Variants in ZNF133 observed in about 807,000 individuals in gnomAD.
ZNF133 encodes zinc finger protein 133 (clone pHZ-13).
In ZNF133, 26 loss-of-function variants were observed where a neutral mutation model predicts 54.9. The ratio of observed to expected loss-of-function variants is 0.47; its 90% CI spans 0.35 to 0.66. ZNF133 has a LOEUF of 0.66. Ranked by LOEUF, ZNF133 falls within the 30% of genes least tolerant of loss-of-function variation. The probability of loss-of-function intolerance (pLI) is 0.01; values close to 1 mark genes in which losing one functional copy is unlikely to be tolerated. For missense variants in ZNF133, 653 were observed against 820.8 expected, an observed-to-expected ratio of 0.80 and a Z score of 2.50; for synonymous variants, 298 against 320.3, an observed-to-expected ratio of 0.93 and a Z score of 0.74.
chr20:18,304,124 T>C (rs1457957737), intron 3 of ZNF133, among the ~76,000 whole-genome samples: 1 of 152,186 alleles, frequency 6.6e-6, no homozygotes, highest in Admixed American at 6.5e-5. Context: ...TGCAAAGATA[T>C]ACATGTGGCC....
intron 6 of ZNF133, among the ~76,000 whole-genome samples, chr20:18,311,352 G>C (rs2045898896): frequency 6.6e-6 from 1 of 152,098 alleles, no homozygotes; most frequent in South Asian, 2.1e-4. Flanking sequence ...TGAGAAATTG[G>C]ATATCTGGTG....
intron 5 of ZNF133, 147 bp from the exon 6 acceptor site, chr20:18,306,151 T>C: frequency 1.4e-6 from 1 of 696,766 alleles, no homozygotes; most frequent in Non-Finnish European, 2.4e-6. Context: ...TGCCCACTCA[T>C]CCCTTCCATT....
chr20:18,316,059 C>G lies in ZNF133; in HGVS notation c.1208C>G (p.Thr403Arg), dbSNP rs1351030645. The part of the protein sequence containing the change: ...QRTTLVNHQR[T>R]HSKEKPYVCG... Reference sequence around the variant, plus strand: ...ACCACCCTTGTCAACCACCAGAGGACACACTCAAAGGAGAAGCCCTATGTG... The same window carrying G: ...ACCACCCTTGTCAACCACCAGAGGAGACACTCAAAGGAGAAGCCCTATGTG... The change falls in exon 7 of 7, where the codon ACA becomes AGA. Residue 403 changes from threonine to arginine, a missense_variant. This residue lies in a region of ZNF133 where 292 missense variants were observed against 431.6 expected (regional missense o/e 0.68). Transcript: ENST00000425686. 6.2e-7 allele frequency: 1 copy of G among 1,613,620 alleles called. No individual in the cohort carries two copies. The highest frequency in any genetic ancestry group is 1.7e-5 in the Admixed American group (1 of 59,970).
At chr20:18,306,158 C>A in intron 5 of ZNF133, 140 bp from the exon 6 acceptor site, 1 of 736,172 alleles carries the variant, frequency 1.4e-6, no homozygotes, top group Non-Finnish European at 2.2e-6. Flanking sequence ...TCATCCCTTC[C>A]ATTTCTGAGA....
At chr20:18,313,588 C>T (rs1312266033) in intron 6 of ZNF133, 5 of 152,218 alleles carry the variant, frequency 3.3e-5, no homozygotes, top group Admixed American at 3.3e-4. Flanking sequence ...TGTTGCTTCC[C>T]TTCTCCTGTC....
At chr20:18,314,754 T>G (rs372247252) in intron 6 of ZNF133, 120 of 257,294 alleles carry the variant, frequency 4.7e-4, no homozygotes, top group South Asian at 1.3e-3. Flanking sequence ...GTGTGCATGG[T>G]TGTGAGTTAG....
intron 6 of ZNF133, chr20:18,310,398 C>A: frequency 1.5e-6 from 2 of 1,318,344 alleles, no homozygotes; most frequent in Non-Finnish European, 2.0e-6. Context: ...AGGCTAGTTA[C>A]AAGAAAAGTA....
chr20:18,315,998 G>T lies in ZNF133; in HGVS notation c.1147G>T (p.Ala383Ser). ...GACGCACTCTGGGGAGAAGCCCTAC[G>T]CCTGCAAGGAGTGTGGGCGATGCTT... ...QRTHSGEKPYACKECGRCFRQ... is the reference protein window; with the variant it reads ...QRTHSGEKPYSCKECGRCFRQ... The change falls in exon 7 of 7, where the codon GCC becomes TCC. Residue 383 changes from alanine to serine, a missense_variant. Transcript: ENST00000425686. 1.9e-6 allele frequency: 3 copies of T among 1,612,866 alleles called. No individual in the cohort carries two copies. The highest frequency in any genetic ancestry group is 1.1e-5 in the South Asian group (1 of 91,014).
intron 6 of ZNF133, chr20:18,306,669 T>C (rs1162522417): frequency 7.8e-7 from 1 of 1,284,404 alleles, no homozygotes; most frequent in Non-Finnish European, 1.0e-6. Flanking sequence ...CTTTCATATA[T>C]ATGGGCTTCT....
intron 6 of ZNF133, 23 bp downstream of exon 6, chr20:18,306,416 A>C (rs2044609985): frequency 1.9e-6 from 3 of 1,605,336 alleles, no homozygotes; most frequent in Admixed American, 1.7e-5. Flanking sequence ...ACACTGGACA[A>C]ATGAGACATG....
chr20:18,295,388 C>G (rs940677838), intron 1 of ZNF133: 1 of 152,480 alleles, frequency 6.6e-6, no homozygotes, highest in Non-Finnish European at 1.5e-5. Flanking sequence ...CCAGCCAGAT[C>G]AGCTGGATCA....
Position 18,305,879 on chromosome 20 carries a change from T to A in ZNF133, c.121+72T>A, listed in dbSNP as rs1421932305. 9.7e-6 allele frequency: 15 copies of A among 1,545,222 alleles called. No individual in the cohort carries two copies. The highest frequency in any genetic ancestry group is 1.2e-5 in the Non-Finnish European group (14 of 1,143,824). On this transcript the variant is annotated intron_variant, in intron 5 of 6. Coordinates refer to ENST00000425686, the MANE Select transcript of ZNF133 (RefSeq NM_001352452.2). The surrounding 1 kb of genome is among the most constrained non-coding windows in gnomAD (Gnocchi z 4.7). ...TTAGGCTATGCTTGAAGCAGCCATC[T>A]TGCTTTGTTACTTGACCTTTGGGTT...
chr20:18,307,999 A>G (rs2034146762), intron 6 of ZNF133, among the ~76,000 whole-genome samples: 1 of 144,276 alleles, frequency 6.9e-6, no homozygotes, highest in South Asian at 2.1e-4. Context: ...GTTGTTAAAC[A>G]AAGAGAAGTG....
At chr20:18,292,307 T>A (rs899918402) in intron 1 of ZNF133, among the ~76,000 whole-genome samples, 7 of 152,194 alleles carry the variant, frequency 4.6e-5, no homozygotes, top group Non-Finnish European at 1.0e-4. Flanking sequence ...CTAACCAAAG[T>A]CAAAACCAGT....
At chr20:18,313,735 T>G (rs2046668574) in intron 6 of ZNF133, 1 of 152,164 alleles carries the variant, frequency 6.6e-6, no homozygotes, top group Non-Finnish European at 1.5e-5. Flanking sequence ...TCAGACAACC[T>G]AGATTAAACC....
chr20:18,298,113 C>T (rs1421210749), intron 2 of ZNF133, 51 bp downstream of exon 2: 8 of 1,535,064 alleles, frequency 5.2e-6, no homozygotes, highest in Non-Finnish European at 6.1e-6. Flanking sequence ...GACACATTCC[C>T]TTCTCTTACC....
intron 3 of ZNF133, among the ~76,000 whole-genome samples, chr20:18,301,625 A>G (rs1010883751): frequency 6.6e-6 from 1 of 152,220 alleles, no homozygotes; most frequent in African/African-American, 2.4e-5. Flanking sequence ...GTACAAGAGA[A>G]CTATAAATTG....
chr20:18,312,575 G>C (rs984629871), intron 6 of ZNF133: 1 of 151,888 alleles, frequency 6.6e-6, no homozygotes, highest in African/African-American at 2.4e-5. Context: ...CTTTCTTATC[G>C]TGCAACCTAA....
intron 6 of ZNF133, among the ~76,000 whole-genome samples, chr20:18,311,372 T>C (rs547033762): frequency 5.1e-4 from 77 of 152,294 alleles, no homozygotes; most frequent in African/African-American, 1.5e-3. Flanking sequence ...GAGGTAAAAA[T>C]AGAGCTTTTA....
Sources: gnomAD v4.1 joint callset for allele counts (sites outside exome capture counted in the v4.1 genomes callset) on GRCh38, gnomAD v4.1.1 for gene constraint, gnomAD v4.1.1 regional missense constraint, Gnocchi (gnomAD v3.1) non-coding constraint, MANE v1.5 for transcripts, NCBI Gene and HGNC (gene_info 2026-07-23, HGNC 2026-07-21) for gene names.